Variants in RGS7 observed in about 807,000 individuals in gnomAD.
RGS7 encodes regulator of G protein signaling 7.
Under a neutral mutation model 81.1 loss-of-function variants are expected in RGS7, and 27 were observed. That is an observed-to-expected ratio of 0.33 (90% CI 0.25 to 0.46). The LOEUF (loss-of-function observed/expected upper bound fraction) is 0.46, where lower values mean the gene tolerates loss of function less well. RGS7 is among the 20% of genes least tolerant of loss of function. RGS7 has a pLI of 1.00. For synonymous variants in RGS7, 208 were observed against 207.7 expected (o/e 1.00, Z -0.01); for missense variants, 396 against 607.4 (o/e 0.65, Z 3.66).
Position 241,357,197 on chromosome 1 carries a change from GC to G in RGS7, c.-350del, listed in dbSNP as rs2083635178. ...GGGGACTGGGACCAGCCGAGCGCGC[GC>G]GGGAGTCGAGACGCCCGGCCCGTGC... On this transcript the variant is annotated 5_prime_UTR_variant, in exon 1 of 19. Coordinates refer to ENST00000440928, the MANE Select transcript of RGS7 (RefSeq NM_001364886.1). 1 of 151,976 alleles carries G rather than the reference GC, an allele frequency of 6.6e-6. No individual in the cohort carries two copies. The highest frequency in any genetic ancestry group is 6.5e-5 in the Admixed American group (1 of 15,268). The allele number at this position is 151,976 out of a possible 1,614,324, so 9.4% of individuals were successfully genotyped here. A position where few individuals can be genotyped will look rare whatever the true frequency, so the allele number is the denominator to read the frequency against.
chr1:241,107,710 C>T (rs1053663991), intron 2 of RGS7, among the ~76,000 whole-genome samples: 4 of 152,158 alleles, frequency 2.6e-5, no homozygotes, highest in African/African-American at 9.7e-5. Context: ...ATAAATTCTA[C>T]ACTTAATCAT....
chr1:241,006,941 G>C (rs1236836610), intron 3 of RGS7, among the ~76,000 whole-genome samples: 1 of 152,076 alleles, frequency 6.6e-6, no homozygotes, highest in African/African-American at 2.4e-5. Context: ...TTTTGAGATG[G>C]AGTCTTGCTC....
chr1:240,830,728 A>G (rs1202430304), intron 9 of RGS7, among the ~76,000 whole-genome samples: 2 of 152,188 alleles, frequency 1.3e-5, no homozygotes, highest in Non-Finnish European at 2.9e-5. Context: ...AGCTGAACTA[A>G]TTTGAACTCT....
chr1:241,224,255 C>G (rs1389675883), intron 2 of RGS7, among the ~76,000 whole-genome samples: 1 of 145,528 alleles, frequency 6.9e-6, no homozygotes, highest in Non-Finnish European at 1.5e-5. Context: ...CAGCCCCCCA[C>G]CCCTCAACAG....
intron 2 of RGS7, among the ~76,000 whole-genome samples, chr1:241,133,037 C>T (rs1447686210): frequency 2.0e-5 from 3 of 152,186 alleles, no homozygotes; most frequent in South Asian, 2.1e-4. Flanking sequence ...GCTGGGATTA[C>T]GGGCCTGAGC....
chr1:240,780,169 G>C (rs994187143), intron 18 of RGS7, among the ~76,000 whole-genome samples: 1 of 152,046 alleles, frequency 6.6e-6, no homozygotes, highest in African/African-American at 2.4e-5. Context: ...TTACTTGGCT[G>C]GGCATGGTGG....
intron 2 of RGS7, among the ~76,000 whole-genome samples, chr1:241,317,227 A>T (rs927045749): frequency 6.6e-6 from 1 of 152,240 alleles, no homozygotes; most frequent in Non-Finnish European, 1.5e-5. Context: ...ATGGAGTAAA[A>T]AACTAGAAAG....
intron 2 of RGS7, among the ~76,000 whole-genome samples, chr1:241,193,882 T>C (rs2072874740): frequency 6.6e-6 from 1 of 152,192 alleles, no homozygotes; most frequent in African/African-American, 2.4e-5. Flanking sequence ...ATTTTCACTC[T>C]AGGAGATGAA....
intron 4 of RGS7, among the ~76,000 whole-genome samples, chr1:240,954,768 A>C (rs1680089996): frequency 6.6e-6 from 1 of 152,178 alleles, no homozygotes; most frequent in Non-Finnish European, 1.5e-5. Context: ...GCAAAGAAAA[A>C]ATGTTATACA....
At chr1:240,957,612 A>C (rs1196092290) in intron 4 of RGS7, among the ~76,000 whole-genome samples, 1 of 152,248 alleles carries the variant, frequency 6.6e-6, no homozygotes, top group Non-Finnish European at 1.5e-5. Context: ...AATAAAGGAA[A>C]TCAGAAAGTA....
At chr1:241,234,436 T>C (rs891400946) in intron 2 of RGS7, among the ~76,000 whole-genome samples, 2 of 152,160 alleles carry the variant, frequency 1.3e-5, no homozygotes, top group African/African-American at 4.8e-5. Context: ...CCCAGAAACC[T>C]TCCCTCAAAA....
At chr1:241,230,421 T>C (rs2075588806) in intron 2 of RGS7, among the ~76,000 whole-genome samples, 1 of 152,048 alleles carries the variant, frequency 6.6e-6, no homozygotes, top group Non-Finnish European at 1.5e-5. Flanking sequence ...GCCATGTTAG[T>C]CAGTCTGGTC....
chr1:241,126,225 A>G (rs1042687960), intron 2 of RGS7, among the ~76,000 whole-genome samples: 8 of 151,842 alleles, frequency 5.3e-5, no homozygotes, highest in Non-Finnish European at 1.0e-4. Flanking sequence ...TCTCGGCTCA[A>G]TGCAACCTCC....
At chr1:240,938,534 C>G (rs771718137) in intron 4 of RGS7, among the ~76,000 whole-genome samples, 1 of 152,128 alleles carries the variant, frequency 6.6e-6, no homozygotes, top group Admixed American at 6.5e-5. Context: ...CATAAATAAA[C>G]AATTTGTTGT....
chr1:241,134,739 C>T (rs1294316753), intron 2 of RGS7, among the ~76,000 whole-genome samples: 3 of 152,110 alleles, frequency 2.0e-5, no homozygotes, highest in Non-Finnish European at 2.9e-5. Flanking sequence ...GAAAGATTTA[C>T]CATAACTGGA....
chr1:241,012,701 C>T (rs760025769), intron 3 of RGS7, among the ~76,000 whole-genome samples: 3 of 152,102 alleles, frequency 2.0e-5, no homozygotes, highest in Non-Finnish European at 2.9e-5. Flanking sequence ...TTTTGTGCTG[C>T]GAGATTTGCA....
intron 18 of RGS7, among the ~76,000 whole-genome samples, chr1:240,793,619 T>A (rs1451920100): frequency 3.8e-5 from 4 of 104,206 alleles, no homozygotes; most frequent in African/African-American, 1.2e-4. Context: ...ATATTTTTTT[T>A]TTTTTTTTGA....
intron 3 of RGS7, among the ~76,000 whole-genome samples, chr1:241,087,070 C>T (rs1168187818): frequency 6.6e-6 from 1 of 152,144 alleles, no homozygotes; most frequent in Non-Finnish European, 1.5e-5. Context: ...GACTGTGATC[C>T]CCTCGAGGAC....
intron 2 of RGS7, chr1:241,305,467 A>G (rs2080034652): frequency 6.6e-6 from 1 of 152,080 alleles, no homozygotes; most frequent in African/African-American, 2.4e-5. Context: ...TTATAAAAAG[A>G]AGAGCATAAT....
Sources: gnomAD v4.1 joint callset for allele counts (sites outside exome capture counted in the v4.1 genomes callset) on GRCh38, gnomAD v4.1.1 for gene constraint, MANE v1.5 for transcripts, NCBI Gene and HGNC (gene_info 2026-07-23, HGNC 2026-07-21) for gene names.